PFKL: variants seen among roughly 807,000 people sequenced by gnomAD.
PFKL encodes ATP-dependent 6-phosphofructokinase, liver type.
A neutral mutation model predicts 92.1 loss-of-function variants in PFKL; 74 were observed. That is an observed-to-expected ratio of 0.80 (90% CI 0.67 to 0.97). PFKL has a LOEUF of 0.97. PFKL is among the 50% of genes least tolerant of loss of function. PFKL has a pLI of 0.00. For missense variants in PFKL, 1,028 were observed against 1,116.6 expected (o/e 0.92, Z 1.13); for synonymous variants, 494 against 456.4 (o/e 1.08, Z -1.05).
Position 44,324,482 on chromosome 21 carries a change from G to A in PFKL, c.1651-9G>A. 1 of 1,612,766 alleles carries A rather than the reference G, an allele frequency of 6.2e-7. No individual in the cohort carries two copies. Among genetic ancestry groups the A allele is most frequent in the Non-Finnish European group, 8.5e-7 (1 of 1,179,644 alleles). ...CGTGGAGGACCCCCGACCCCCCCTT[G>A]TCCCCCAGAGCTGTGACCGCATCAA... On this transcript the variant is annotated splice_polypyrimidine_tract_variant and intron_variant, in intron 16 of 21. Coordinates refer to ENST00000349048, the MANE Select transcript of PFKL (RefSeq NM_002626.6).
At chr21:44,320,259 G>A (rs2047324153) in intron 12 of PFKL, 112 bp downstream of exon 12, 1 of 879,770 alleles carries the variant, frequency 1.1e-6, no homozygotes, top group Admixed American at 2.3e-5. Flanking sequence ...CTCCTGCTGG[G>A]GTCCGAGCTG....
At chr21:44,323,390 C>T (rs113564838) in intron 15 of PFKL, among the ~76,000 whole-genome samples, 20 of 152,164 alleles carry the variant, frequency 1.3e-4, no homozygotes, top group African/African-American at 4.8e-4. Flanking sequence ...AGAAGGGAGG[C>T]GGAGGAGGCA....
chr21:44,316,616 T>C, intron 9 of PFKL, 92 bp downstream of exon 9: 1 of 932,482 alleles, frequency 1.1e-6, no homozygotes, highest in Non-Finnish European at 1.6e-6. Flanking sequence ...GCATGGCACG[T>C]GCACTGTGTC....
chr21:44,313,094 C>T lies in PFKL; in HGVS notation c.544C>T (p.Leu182Phe). 1 of 1,613,090 alleles carries T rather than the reference C, an allele frequency of 6.2e-7. No homozygotes were observed. Among genetic ancestry groups the T allele is most frequent in the Non-Finnish European group, 8.5e-7 (1 of 1,179,926 alleles). The change falls in exon 5 of 22, where the codon CTC becomes TTC. Residue 182 changes from leucine to phenylalanine, a missense_variant. Coordinates refer to ENST00000349048, the MANE Select transcript of PFKL (RefSeq NM_002626.6). ...CATGACCATCGGCACGGACTCGGCC[C>T]TCCACCGCATCATGGAGGTCATCGA... ...TDMTIGTDSA[L>F]HRIMEVIDAI... is the part of the protein sequence containing the mutation.
intron 19 of PFKL, 175 bp from the exon 20 acceptor site, chr21:44,325,786 A>G (rs1451673235): frequency 6.7e-6 from 4 of 595,754 alleles, no homozygotes; most frequent in South Asian, 2.0e-5. Context: ...TTGGAGCTGG[A>G]GAGAGCAGGC....
At chr21:44,307,990 G>A (rs1053266066) in intron 2 of PFKL, among the ~76,000 whole-genome samples, 6 of 152,240 alleles carry the variant, frequency 3.9e-5, no homozygotes, top group African/African-American at 1.4e-4. Context: ...GGGGAGAAGA[G>A]GCACTTTGCC....
Position 44,313,998 on chromosome 21 carries a change from T to G in PFKL, c.724T>G (p.Phe242Val), listed in dbSNP as rs776428253. 2 of 1,606,768 alleles carry G rather than the reference T, an allele frequency of 1.2e-6. No homozygotes were observed. Among genetic ancestry groups the G allele is most frequent in the Non-Finnish European group, 1.7e-6 (2 of 1,177,826 alleles). ...TCCACCCGAGGACGGCTGGGAGAAC[T>G]TCATGTGTGAGAGGCTGGGTGAGGT... Reference protein sequence around the residue: ...EAPPEDGWENFMCERLGETRS... With the variant: ...EAPPEDGWENVMCERLGETRS... The change falls in exon 7 of 22, where the codon TTC (phenylalanine) becomes GTC (valine). Residue 242 changes from phenylalanine (F) to valine (V), a missense_variant. Transcript: ENST00000349048.
intron 2 of PFKL, among the ~76,000 whole-genome samples, chr21:44,309,702 G>C (rs1029562939): frequency 3.3e-5 from 5 of 152,208 alleles, no homozygotes; most frequent in Non-Finnish European, 7.4e-5. Flanking sequence ...GGGGCTGTGG[G>C]TTTGGGATCA....
At chr21:44,300,704 G>C (rs1199279100) in intron 1 of PFKL, among the ~76,000 whole-genome samples, 1 of 152,246 alleles carries the variant, frequency 6.6e-6, no homozygotes, top group Non-Finnish European at 1.5e-5. Context: ...GTCTAGCTGG[G>C]GAAGAGGGCG....
At chr21:44,308,368 C>T (rs577987117) in intron 2 of PFKL, among the ~76,000 whole-genome samples, 13 of 152,146 alleles carry the variant, frequency 8.5e-5, no homozygotes, top group Non-Finnish European at 1.8e-4. Flanking sequence ...TCTGATATAG[C>T]GGCCCAGGGA....
rs923113828 is a variant in PFKL, at chr21:44,304,359, G to A, written c.86-2322G>A. 3.1e-6 allele frequency: 4 copies of A among 1,283,766 alleles called. No individual in the cohort carries two copies. In the African/African-American group the frequency reaches 6.1e-5, roughly 20 times the overall value. The allele number at this position is 1,283,766 out of a possible 1,614,324, so 79.5% of individuals were successfully genotyped here. On this transcript the variant is annotated intron_variant, in intron 1 of 21. Transcript: ENST00000349048. ...CCCAGTGGCACATTGACTCCGCCTG[G>A]AGCTGGGGAGACCAGAGAGGCCCTG...
chr21:44,300,391 C>G (rs1601978712), intron 1 of PFKL, among the ~76,000 whole-genome samples: 1 of 152,058 alleles, frequency 6.6e-6, no homozygotes, highest in Admixed American at 6.5e-5. Context: ...TGCGGCCGGC[C>G]ACGTTCTCGG....
intron 7 of PFKL, chr21:44,315,801 G>C (rs904313179): frequency 1.8e-5 from 4 of 226,240 alleles, no homozygotes; most frequent in Non-Finnish European, 3.6e-5. Flanking sequence ...CTGGTTATAA[G>C]GATGAGCAGA....
At chr21:44,314,332 C>T in intron 7 of PFKL, 1 of 347,280 alleles carries the variant, frequency 2.9e-6, no homozygotes, top group Non-Finnish European at 5.3e-6. Context: ...GACTGCTGAG[C>T]CTGGGGCGGT....
In PFKL at chr21:44,313,101, G is replaced by A. The variant is rs1568953091; in HGVS notation, c.551G>A (p.Arg184His). 1 of 1,612,950 alleles carries A rather than the reference G, an allele frequency of 6.2e-7. No individual in the cohort carries two copies. The highest frequency in any genetic ancestry group is 8.5e-7 in the Non-Finnish European group (1 of 1,179,904). The change falls in exon 5 of 22, where the codon CGC (arginine) becomes CAC (histidine). Residue 184 changes from arginine (R) to histidine (H), a missense_variant. Physicochemically the swap from Arg to His is conservative, Grantham distance 29. Transcript: ENST00000349048. ...MTIGTDSALH[R>H]IMEVIDAITT... The stretch of plus-strand genomic sequence containing the variant: ...ATCGGCACGGACTCGGCCCTCCACC[G>A]CATCATGGAGGTCATCGATGCCATC...
chr21:44,326,300 G>A, intron 21 of PFKL, 36 bp downstream of exon 21: 1 of 1,487,138 alleles, frequency 6.7e-7, no homozygotes, highest in Non-Finnish European at 9.3e-7. Flanking sequence ...GGCGGGTGGG[G>A]CTGAGGGGTG....
rs777507953 is a variant in PFKL at position 44,312,303 on chromosome 21, G to A, written c.427+9G>A. On this transcript the variant is annotated intron_variant, in intron 4 of 21. Transcript: ENST00000349048. ...GGAGCTGGTGGCGGAAGGTGGGTCT[G>A]TGCCCGGCGCACTGTAGGCCCTGGG... The A allele has an allele frequency of 1.3e-6, 2 of 1,582,360 alleles. No individual in the cohort carries two copies. The highest frequency in any genetic ancestry group is 3.6e-5 in the Admixed American group (2 of 55,832).
At chr21:44,301,012 G>C (rs2040759646) in intron 1 of PFKL, among the ~76,000 whole-genome samples, 1 of 152,224 alleles carries the variant, frequency 6.6e-6, no homozygotes, top group African/African-American at 2.4e-5. Flanking sequence ...GAGGTGCTGG[G>C]TTGGGAAGGG....
chr21:44,311,894 G>A lies in PFKL; in HGVS notation c.238-211G>A, dbSNP rs1374814984. Among the ~76,000 whole-genome samples the A allele has an allele frequency of 3.9e-5, 6 of 152,324 alleles. No homozygotes were observed. In the South Asian group the frequency reaches 8.3e-4, roughly 21 times the overall value. On this transcript the variant is annotated intron_variant, in intron 3 of 21. Coordinates refer to ENST00000349048, the MANE Select transcript of PFKL (RefSeq NM_002626.6). ...CTTGGGGCTTCCCAAGCCCAGGACC[G>A]GACGGACATCATCCTCCTCTTTGTC...
Sources: allele counts gnomAD v4.1 joint callset (sites outside exome capture counted in the v4.1 genomes callset), GRCh38; gene constraint gnomAD v4.1.1; transcripts MANE v1.5; gene names NCBI Gene and HGNC (gene_info 2026-07-23, HGNC 2026-07-21).